CCDC88C: variants seen among roughly 807,000 people sequenced by gnomAD.
The protein encoded by CCDC88C is protein Daple.
In CCDC88C, 131 loss-of-function variants were observed where a neutral mutation model predicts 198.8. That is an observed-to-expected ratio of 0.66 (90% CI 0.57 to 0.76). CCDC88C has a LOEUF of 0.76. Ranked by LOEUF, CCDC88C falls within the 30% of genes least tolerant of loss-of-function variation. The pLI is 0.00. For missense variants in CCDC88C, 2,553 were observed against 2,631.6 expected (o/e 0.97, Z 0.65); for synonymous variants, 1,166 against 1,114.7 (o/e 1.05, Z -0.92).
Position 91,272,686 on chromosome 14 carries a change from G to C in CCDC88C, c.6026C>G (p.Pro2009Arg). 6.2e-6 allele frequency: 10 copies of C among 1,611,650 alleles called. No homozygotes were observed. The highest frequency in any genetic ancestry group is 8.5e-6 in the Non-Finnish European group (10 of 1,179,858). The change falls in exon 30 of 30, where the codon CCG becomes CGG. Residue 2009 changes from proline to arginine, a missense_variant. Pro to Arg is a moderately radical substitution (Grantham distance 103). Transcript: ENST00000389857. ...ATCCCCGCCGGGCTCCGGGGAGGCC[G>C]GACTGCTCTTTGAGACGCTCCCTCG... The part of the protein sequence containing the change: ...CSRGSVSKSS[P>R]ASPEPGGDPQ...
intron 3 of CCDC88C, among the ~76,000 whole-genome samples, chr14:91,386,851 C>A (rs913018368): frequency 1.3e-5 from 2 of 152,184 alleles, no homozygotes; most frequent in Non-Finnish European, 2.9e-5. Context: ...GGCTTGGGAC[C>A]AACTAAGTCA....
At chr14:91,369,010 A>C (rs1894661478) in intron 3 of CCDC88C, among the ~76,000 whole-genome samples, 1 of 152,218 alleles carries the variant, frequency 6.6e-6, no homozygotes, top group Non-Finnish European at 1.5e-5. Flanking sequence ...CAGGACAAGA[A>C]TTATGAGCAT....
At chr14:91,293,550 G>GCCCCC (rs1567055850) in intron 23 of CCDC88C, among the ~76,000 whole-genome samples, 6 of 20,890 alleles carry the variant, frequency 2.9e-4, no homozygotes, top group South Asian at 2.4e-3. Flanking sequence ...CCACCTTCCT[G>GCCCCC]TCCCCTCGCC....
chr14:91,343,005 AGT>A lies in CCDC88C; in HGVS notation c.400-544_400-543del, dbSNP rs573490675. Among the ~76,000 whole-genome samples the A allele has an allele frequency of 2.8e-3, 419 of 152,342 alleles. 2 individuals carry two copies. The highest frequency in any genetic ancestry group is 4.5e-3 in the Non-Finnish European group (308 of 68,034). ...AGGGTCTCGCTGTCACCCAGGCTGG[AGT>A]GCAGTGGCATGATCATGGCTCACTG... On this transcript the variant is annotated intron_variant, in intron 5 of 29. Transcript: ENST00000389857.
intron 27 of CCDC88C, 50 bp downstream of exon 27, chr14:91,281,407 A>T: frequency 6.2e-7 from 1 of 1,613,074 alleles, no homozygotes; most frequent in Non-Finnish European, 8.5e-7. Flanking sequence ...CCGTGGATAA[A>T]AACCAGTCTG....
rs1412549034 is a variant in CCDC88C, at chr14:91,406,858, C to T, written c.270+1801G>A. On this transcript the variant is annotated intron_variant, in intron 3 of 29. Transcript: ENST00000389857. ...AGCATACACCATGCTGAGTGTGGCT[C>T]CCCTTCAAATCCCCAGAGCCAACTC... Among the ~76,000 whole-genome samples the T allele has an allele frequency of 2.6e-5, 4 of 152,200 alleles. No individual in the cohort carries two copies. The South Asian group carries it at 8.3e-4, about 32-fold the overall frequency.
intron 10 of CCDC88C, among the ~76,000 whole-genome samples, chr14:91,335,651 G>A (rs1015809689): frequency 6.6e-6 from 1 of 152,176 alleles, no homozygotes; most frequent in Non-Finnish European, 1.5e-5. Context: ...GCTAAGCCCT[G>A]TGGGTCCAGC....
chr14:91,293,261 T>A lies in CCDC88C; in HGVS notation c.4112+912A>T, dbSNP rs1467669502. On this transcript the variant is annotated intron_variant, in intron 23 of 29. Coordinates refer to ENST00000389857, the MANE Select transcript of CCDC88C (RefSeq NM_001080414.4). Reference sequence around the variant, plus strand: ...TCACCTGCCATGGCCCACCTTCCCATCCTCACCTGCCACGGCCGACCTTCC... The same window carrying A: ...TCACCTGCCATGGCCCACCTTCCCAACCTCACCTGCCACGGCCGACCTTCC... Among the ~76,000 whole-genome samples the A allele has an allele frequency of 3.3e-4, 21 of 63,152 alleles. 1 individual carries two copies. Among genetic ancestry groups the A allele is most frequent in the African/African-American group, 8.9e-4 (17 of 19,004 alleles). 41.4% of individuals were successfully genotyped at this position (63,152 alleles called of 152,430 possible).
At chr14:91,300,819 C>T (rs547191566) in intron 20 of CCDC88C, among the ~76,000 whole-genome samples, 4 of 152,216 alleles carry the variant, frequency 2.6e-5, no homozygotes, top group African/African-American at 9.7e-5. Context: ...CCCTTCCCAG[C>T]CTGTTTCAAC....
rs1035490320 is a variant in CCDC88C at position 91,339,832 on chromosome 14, A to AGG, written c.624+50_624+51dup. 165 of 1,507,336 alleles carry AGG rather than the reference A, an allele frequency of 1.1e-4. No homozygotes were observed. The African/African-American group carries it at 2.3e-3, about 21-fold the overall frequency. 93.4% of individuals were successfully genotyped at this position (1,507,336 alleles called of 1,614,324 possible). A position where few individuals can be genotyped will look rare whatever the true frequency, so the allele number is the denominator to read the frequency against. The stretch of plus-strand genomic sequence containing the variant: ...CTGAAGATGAAGGGAGAGGAGATGA[A>AGG]GGGGCCTAAGCCCCTTCCCAGGCTG... On this transcript the variant is annotated intron_variant, in intron 7 of 29. Transcript: ENST00000389857. This position sits in a 1 kb window ranked among gnomAD's most constrained non-coding sequence, Gnocchi z 5.8.
chr14:91,406,306 C>A (rs1886479533), intron 3 of CCDC88C, among the ~76,000 whole-genome samples: 1 of 152,176 alleles, frequency 6.6e-6, no homozygotes, highest in South Asian at 2.1e-4. Flanking sequence ...GCAGCAAGAG[C>A]CTCACTGCCC....
At chr14:91,372,967 G>A (rs113456477) in intron 3 of CCDC88C, among the ~76,000 whole-genome samples, 30 of 152,252 alleles carry the variant, frequency 2.0e-4, no homozygotes, top group African/African-American at 5.8e-4. Context: ...AACATGCTCC[G>A]GGGCGACACA....
chr14:91,307,348 G>A (rs1248669306), intron 17 of CCDC88C, 122 bp from the exon 18 acceptor site: 1 of 814,438 alleles, frequency 1.2e-6, no homozygotes, highest in Non-Finnish European at 2.0e-6. Context: ...GCCCGCCCTG[G>A]TCTGTGTAAG....
chr14:91,329,856 G>A (rs1028803221), intron 10 of CCDC88C, among the ~76,000 whole-genome samples: 2 of 152,224 alleles, frequency 1.3e-5, no homozygotes, highest in Non-Finnish European at 2.9e-5. Flanking sequence ...TGAAAGACCC[G>A]ACTGTGCACC....
chr14:91,333,691 G>A (rs1482219362), intron 10 of CCDC88C, among the ~76,000 whole-genome samples: 1 of 152,196 alleles, frequency 6.6e-6, no homozygotes, highest in Non-Finnish European at 1.5e-5. Flanking sequence ...TTTAAGGGGG[G>A]CAAGATGGCC....
intron 3 of CCDC88C, among the ~76,000 whole-genome samples, chr14:91,403,206 C>T (rs1232092205): frequency 6.6e-6 from 1 of 152,180 alleles, no homozygotes; most frequent in African/African-American, 2.4e-5. Context: ...TTCCTCATTT[C>T]AGAGTGAATC....
chr14:91,414,533 A>G (rs1886947640), intron 2 of CCDC88C, among the ~76,000 whole-genome samples: 1 of 152,216 alleles, frequency 6.6e-6, no homozygotes, highest in African/African-American at 2.4e-5. Context: ...AACTACCCTG[A>G]AAAGGTTCCC....
chr14:91,291,104 A>C lies in CCDC88C; in HGVS notation c.4113-20T>G. Reference sequence around the variant, plus strand: ...TTGTCTCTGTGAATATAGGAGAAAGAAAACCTATCAATCCAGTTTTAAATC... The same window carrying C: ...TTGTCTCTGTGAATATAGGAGAAAGCAAACCTATCAATCCAGTTTTAAATC... On this transcript the variant is annotated intron_variant, in intron 23 of 29. Transcript: ENST00000389857. The C allele has an allele frequency of 7.7e-7, 1 of 1,294,074 alleles. No individual in the cohort carries two copies. Among genetic ancestry groups the C allele is most frequent in the South Asian group, 1.3e-5 (1 of 79,472 alleles). The allele number at this position is 1,294,074 out of a possible 1,614,324, so 80.2% of individuals were successfully genotyped here. A position where few individuals can be genotyped will look rare whatever the true frequency, so the allele number is the denominator to read the frequency against.
chr14:91,328,402 A>G (rs1892665836), intron 10 of CCDC88C, among the ~76,000 whole-genome samples: 1 of 152,168 alleles, frequency 6.6e-6, no homozygotes, highest in Non-Finnish European at 1.5e-5. Flanking sequence ...GCACCTGGCG[A>G]GGAGGAGTGG....
Sources: allele counts gnomAD v4.1 joint callset (sites outside exome capture counted in the v4.1 genomes callset), GRCh38; gene constraint gnomAD v4.1.1; non-coding constraint Gnocchi (gnomAD v3.1); transcripts MANE v1.5; gene names NCBI Gene and HGNC (gene_info 2026-07-23, HGNC 2026-07-21).